The following XPNPEP2 variants were observed in gnomAD, a reference collection of about 807,000 sequenced individuals.
The protein encoded by XPNPEP2 is xaa-Pro aminopeptidase 2.
Under a neutral mutation model 59.8 loss-of-function variants are expected in XPNPEP2, and 64 were observed. That is an observed-to-expected ratio of 1.07 (90% CI 0.87 to 1.32). The LOEUF (loss-of-function observed/expected upper bound fraction) is 1.32, where lower values mean the gene tolerates loss of function less well. Among genes scored for constraint, XPNPEP2 ranks in the 40% most tolerant of loss-of-function variants. XPNPEP2 has a pLI of 0.00. For missense variants in XPNPEP2, 575 were observed against 546.8 expected, an observed-to-expected ratio of 1.05 and a Z score of -0.51; for synonymous variants, 235 against 210.0, an observed-to-expected ratio of 1.12 and a Z score of -1.03.
Position 129,757,039 on chromosome X carries a change from T to C in XPNPEP2, c.1367+484T>C, listed in dbSNP as rs865960. 0.016 allele frequency among the ~76,000 whole-genome samples: 1,314 copies of C among 84,364 alleles called. 79 individuals carry two copies. In the East Asian group the frequency reaches 0.23, roughly 15 times the overall value. 73.3% of individuals were successfully genotyped at this position (84,364 alleles called of 115,157 possible). A position where few individuals can be genotyped will look rare whatever the true frequency, so the allele number is the denominator to read the frequency against. On this transcript the variant is annotated intron_variant, in intron 14 of 20. Transcript: ENST00000371106. ...ATATATATATACACACACACACACA[T>C]ATATATATACACACACATATATATA...
chrX:129,767,153 G>A (rs1010738897), intron 19 of XPNPEP2, among the ~76,000 whole-genome samples: 1 of 111,388 alleles, frequency 9.0e-6, no homozygotes, highest in East Asian at 2.8e-4. Context: ...GGTAGAGGCT[G>A]CAGAGGGCCG....
chrX:129,750,445 T>C (rs761029390), intron 7 of XPNPEP2, 23 bp from the exon 8 acceptor site: 5 of 1,166,000 alleles, frequency 4.3e-6, no homozygotes, highest in Non-Finnish European at 4.6e-6. Context: ...ACTTACACTT[T>C]TTTGGGGCTC....
intron 18 of XPNPEP2, 103 bp from the exon 19 acceptor site, chrX:129,762,591 C>A: frequency 1.4e-6 from 1 of 722,481 alleles, no homozygotes; most frequent in Non-Finnish European, 2.1e-6. Context: ...AGCCAGGGGA[C>A]AGCCAGACAG....
At chrX:129,765,011 C>A (rs1926723375) in intron 19 of XPNPEP2, among the ~76,000 whole-genome samples, 1 of 111,804 alleles carries the variant, frequency 8.9e-6, no homozygotes, top group African/African-American at 3.2e-5. Flanking sequence ...AAAAAAAAGT[C>A]TCTTTCTTGC....
chrX:129,745,190 G>C lies in XPNPEP2; in HGVS notation c.235-13G>C. On this transcript the variant is annotated splice_polypyrimidine_tract_variant and intron_variant, in intron 3 of 20. Transcript: ENST00000371106. The stretch of plus-strand genomic sequence containing the variant: ...CACGAAAAAGGCTAATGATGGTGTT[G>C]TTGATTTCCTAGAACGAGTACATCG... 8.3e-7 allele frequency: 1 copy of C among 1,211,463 alleles called. No homozygotes were observed. Among genetic ancestry groups the C allele is most frequent in the Non-Finnish European group, 1.1e-6 (1 of 895,357 alleles).
At chrX:129,767,816 A>G in intron 20 of XPNPEP2, 124 bp downstream of exon 20, 1 of 695,817 alleles carries the variant, frequency 1.4e-6, no homozygotes, top group South Asian at 2.3e-5. Context: ...ACCTGCAGAC[A>G]CACACTGGGG....
chrX:129,739,462 C>G (rs1488227709), intron 1 of XPNPEP2, among the ~76,000 whole-genome samples, 200 bp downstream of exon 1: 1 of 111,619 alleles, frequency 9.0e-6, no homozygotes, highest in African/African-American at 3.3e-5. Context: ...TCCATTCCCC[C>G]CGTTATAGAA....
rs1926499886 is a variant in XPNPEP2 at position 129,755,375 on chromosome X, C to T, written c.1295+4C>T. The T allele has an allele frequency of 1.7e-6, 2 of 1,208,038 alleles. No individual in the cohort carries two copies. Among genetic ancestry groups the T allele is most frequent in the African/African-American group, 3.5e-5 (2 of 57,020 alleles). ...ATGCTGCCCTGGCCCACTACAGGTA[C>T]TTGAGGAAAAAGAATTTTCTAGGGC... On this transcript the variant is annotated splice_donor_region_variant and intron_variant, in intron 13 of 20. Coordinates refer to ENST00000371106, the MANE Select transcript of XPNPEP2 (RefSeq NM_003399.6).
chrX:129,753,250 T>A lies in XPNPEP2; in HGVS notation c.1107+2T>A. On this transcript the variant is annotated splice_donor_variant, in intron 11 of 20. Transcript: ENST00000371106. LOFTEE classifies it high-confidence loss of function. Reference sequence around the variant, plus strand: ...CAGGCCCTCCTCAAGGCCAGCCACGTAAGTCCACGTTCAGGCAGACATGGC... The same window carrying A: ...CAGGCCCTCCTCAAGGCCAGCCACGAAAGTCCACGTTCAGGCAGACATGGC... 8.3e-7 allele frequency: 1 copy of A among 1,208,629 alleles called. No individual in the cohort carries two copies.
Position 129,753,368 on chromosome X carries a change from C to T in XPNPEP2, c.1107+120C>T, listed in dbSNP as rs147165535. The T allele has an allele frequency of 0.1, 70,630 of 681,160 alleles. 3,320 individuals carry two copies. Among genetic ancestry groups the T allele is most frequent in the Non-Finnish European group, 0.12 (55,044 of 444,333 alleles). The allele number at this position is 681,160 out of a possible 1,213,427, so 56.1% of individuals were successfully genotyped here. ...CAATGAAACAAAGAAGCAAGCTGGG[C>T]GCGGTGGCTCACGCCTGTAATCCTA... On this transcript the variant is annotated intron_variant, in intron 11 of 20. Transcript: ENST00000371106.
chrX:129,762,173 T>C, intron 18 of XPNPEP2, 108 bp downstream of exon 18: 2 of 865,350 alleles, frequency 2.3e-6, no homozygotes, highest in East Asian at 6.4e-5. Flanking sequence ...CAGGCACTAG[T>C]ACAGCTCGGG....
At chrX:129,743,108 C>T (rs1926228789) in intron 2 of XPNPEP2, among the ~76,000 whole-genome samples, 1 of 112,076 alleles carries the variant, frequency 8.9e-6, no homozygotes, top group Non-Finnish European at 1.9e-5. Flanking sequence ...ATGGGAAAAA[C>T]GCAGTACATC....
chrX:129,740,062 G>A lies in XPNPEP2; in HGVS notation c.49+800G>A, dbSNP rs1926144345. On this transcript the variant is annotated intron_variant, in intron 1 of 20. Coordinates refer to ENST00000371106, the MANE Select transcript of XPNPEP2 (RefSeq NM_003399.6). ...GACCACAGAGTCATTCAGCTGCAGA[G>A]CCTGCTCTTGGGAGCCACAGCCCTG... Among the ~76,000 whole-genome samples, 5 of 112,776 alleles carry A rather than the reference G, an allele frequency of 4.4e-5. No homozygotes were observed. In the Admixed American group the frequency reaches 4.7e-4, roughly 10 times the overall value.
intron 5 of XPNPEP2, 71 bp from the exon 6 acceptor site, chrX:129,746,524 G>A: frequency 9.4e-7 from 1 of 1,062,809 alleles, no homozygotes; most frequent in Non-Finnish European, 1.3e-6. Flanking sequence ...CCATCAGACA[G>A]AACCCCTGGC....
intron 18 of XPNPEP2, 46 bp from the exon 19 acceptor site, chrX:129,762,648 G>A (rs1371694647): frequency 7.0e-6 from 8 of 1,144,522 alleles, no homozygotes; most frequent in Admixed American, 4.4e-5. Context: ...GCCTGGGCTT[G>A]GGCCCTCTCC....
intron 19 of XPNPEP2, among the ~76,000 whole-genome samples, chrX:129,766,829 T>C (rs1024318497): frequency 9.8e-5 from 11 of 111,850 alleles, no homozygotes; most frequent in Non-Finnish European, 1.9e-4. Context: ...GGGAAACTTA[T>C]AATCATGGCA....
chrX:129,762,104 C>T (rs763566278), intron 18 of XPNPEP2, 39 bp downstream of exon 18: 6 of 1,179,349 alleles, frequency 5.1e-6, no homozygotes, highest in Non-Finnish European at 6.9e-6. Flanking sequence ...CACCCCATCC[C>T]AGAGCAGGAC....
intron 18 of XPNPEP2, 144 bp downstream of exon 18, chrX:129,762,209 C>G (rs146003669): frequency 3.3e-6 from 2 of 603,109 alleles, no homozygotes; most frequent in African/African-American, 4.4e-5. Context: ...CCCACCGCTA[C>G]GCCCAGCCCC....
Position 129,756,542 on chromosome X carries a change from G to T in XPNPEP2, c.1354G>T (p.Gly452Trp). 8.3e-7 allele frequency: 1 copy of T among 1,210,947 alleles called. No individual in the cohort carries two copies. Among genetic ancestry groups the T allele is most frequent in the Non-Finnish European group, 1.1e-6 (1 of 894,897 alleles). Residue 452 changes from glycine (G) to tryptophan (W), a missense_variant, in exon 14 of 21, where the codon GGG (glycine) becomes TGG (tryptophan). Physicochemically the swap from Gly to Trp is radical, Grantham distance 184. Transcript: ENST00000371106. Reference sequence around the variant, plus strand: ...AGATGAGATGTACCTGCTGGACTCTGGGGGGCAGTACTGGTATGTACCCCG... The same window carrying T: ...AGATGAGATGTACCTGCTGGACTCTTGGGGGCAGTACTGGTATGTACCCCG... The part of the protein sequence containing the change: ...SSDEMYLLDS[G>W]GQYWDGTTDI...
Sources: gnomAD v4.1 joint callset for allele counts (sites outside exome capture counted in the v4.1 genomes callset) on GRCh38, gnomAD v4.1.1 for gene constraint, MANE v1.5 for transcripts, NCBI Gene and HGNC (gene_info 2026-07-23, HGNC 2026-07-21) for gene names.